The following SGCD variants were observed in gnomAD, a reference collection of about 807,000 sequenced individuals.
The protein encoded by SGCD is sarcoglycan delta, also known as delta-sarcoglycan.
Under a neutral mutation model 36.6 loss-of-function variants are expected in SGCD, and 18 were observed. The observed-to-expected ratio is 0.49, with a 90% confidence interval of 0.34 to 0.73. The LOEUF (loss-of-function observed/expected upper bound fraction) is 0.73, where lower values mean the gene tolerates loss of function less well. SGCD is among the 30% of genes least tolerant of loss of function. The pLI is 0.01. For missense variants in SGCD, 387 were observed against 346.7 expected (o/e 1.12, Z -0.92); for synonymous variants, 133 against 130.6 (o/e 1.02, Z -0.12).
chr5:156,119,222 A>G (rs1215102360), intron 2 of SGCD, among the ~76,000 whole-genome samples: 1 of 152,130 alleles, frequency 6.6e-6, no homozygotes, highest in Admixed American at 6.6e-5. Flanking sequence ...TTGGATTTTA[A>G]GTTGTGTCAT....
chr5:156,004,968 G>A (rs1392956057), intron 1 of SGCD, among the ~76,000 whole-genome samples: 4 of 152,120 alleles, frequency 2.6e-5, no homozygotes, highest in East Asian at 1.9e-4. Context: ...AAGTGAGTTC[G>A]GGGCACCACA....
chr5:156,560,369 T>C (rs1431787881), intron 4 of SGCD, among the ~76,000 whole-genome samples: 2 of 152,148 alleles, frequency 1.3e-5, no homozygotes, highest in Admixed American at 6.6e-5. Context: ...ATTTAAGTAA[T>C]GTTACATCAG....
At chr5:156,104,125 C>T (rs923740334) in intron 1 of SGCD, among the ~76,000 whole-genome samples, 1 of 152,000 alleles carries the variant, frequency 6.6e-6, no homozygotes, top group Non-Finnish European at 1.5e-5. Context: ...AAGTCACATA[C>T]TAATTAAATT....
intron 4 of SGCD, among the ~76,000 whole-genome samples, chr5:156,552,967 C>T (rs372015151): frequency 1.9e-4 from 29 of 152,118 alleles, no homozygotes; most frequent in African/African-American, 6.8e-4. Flanking sequence ...GAAAAAAAGG[C>T]TTCCTTGGCT....
chr5:155,996,439 A>C (rs1758546037), intron 1 of SGCD, among the ~76,000 whole-genome samples: 1 of 152,116 alleles, frequency 6.6e-6, no homozygotes, highest in Non-Finnish European at 1.5e-5. Context: ...TTTGCTTCTT[A>C]ATACTTAATA....
At chr5:156,402,860 T>C (rs1462525454) in intron 3 of SGCD, among the ~76,000 whole-genome samples, 2 of 152,166 alleles carry the variant, frequency 1.3e-5, no homozygotes, top group Non-Finnish European at 2.9e-5. Flanking sequence ...GTTACCGCGT[T>C]CCCCAAAGAC....
intron 3 of SGCD, among the ~76,000 whole-genome samples, chr5:156,290,280 G>C (rs1317745555): frequency 2.6e-5 from 4 of 152,102 alleles, no homozygotes; most frequent in African/African-American, 7.2e-5. Flanking sequence ...ACTTGGGAAG[G>C]CTAACCCCAA....
intron 4 of SGCD, among the ~76,000 whole-genome samples, chr5:156,565,884 T>C (rs1759460028): frequency 6.6e-6 from 1 of 152,226 alleles, no homozygotes; most frequent in Non-Finnish European, 1.5e-5. Context: ...CCTCATCCTT[T>C]TTTATGGCTG....
intron 4 of SGCD, among the ~76,000 whole-genome samples, chr5:156,541,988 T>C (rs4337839): frequency 0.34 from 52,221 of 152,040 alleles, 9,405 homozygotes; most frequent in African/African-American, 0.43. Context: ...GCTAGGCATC[T>C]GTTGAATGTT....
chr5:156,591,418 G>A (rs1760718361), intron 5 of SGCD, among the ~76,000 whole-genome samples: 1 of 152,196 alleles, frequency 6.6e-6, no homozygotes, highest in Non-Finnish European at 1.5e-5. Context: ...AAGGCAGGCT[G>A]CTGATTTAGT....
At chr5:156,451,385 T>G (rs1754005895) in intron 3 of SGCD, among the ~76,000 whole-genome samples, 1 of 152,162 alleles carries the variant, frequency 6.6e-6, no homozygotes, top group Non-Finnish European at 1.5e-5. Context: ...AGAGTATGTT[T>G]AATAGATATT....
intron 6 of SGCD, among the ~76,000 whole-genome samples, chr5:156,611,903 AT>A (rs1388778624): frequency 5.9e-5 from 9 of 152,020 alleles, no homozygotes; most frequent in Admixed American, 5.9e-4. Context: ...CATTTATTGA[AT>A]TTTTCAACTC....
At chr5:155,866,536 T>C (rs1346601506), upstream of SGCD, among the ~76,000 whole-genome samples, 1 of 152,212 alleles carries the variant, frequency 6.6e-6, no homozygotes, top group Non-Finnish European at 1.5e-5. Flanking sequence ...GTAATATGTG[T>C]TTTACAAATG....
chr5:156,381,879 A>G (rs1770999589), intron 3 of SGCD, among the ~76,000 whole-genome samples: 1 of 152,176 alleles, frequency 6.6e-6, no homozygotes, highest in African/African-American at 2.4e-5. Context: ...TTTCTCATCC[A>G]TAAAAATGGG....
In SGCD at chr5:156,763,260, T is replaced by C. The variant is rs1457001809; in HGVS notation, c.*3870T>C. The C allele has an allele frequency of 6.6e-6, 1 of 152,624 alleles. No individual in the cohort carries two copies. Among genetic ancestry groups the C allele is most frequent in the African/African-American group, 2.4e-5 (1 of 41,436 alleles). The allele number at this position is 152,624 out of a possible 1,614,324, so 9.5% of individuals were successfully genotyped here. A position where few individuals can be genotyped will look rare whatever the true frequency, so the allele number is the denominator to read the frequency against. On this transcript the variant is annotated 3_prime_UTR_variant, in exon 9 of 9. Coordinates refer to ENST00000337851, the MANE Select transcript of SGCD (RefSeq NM_000337.6). ...TAAAGTTTTCCACTTCACCCTCCCATAGTCTAGAGGGATGCCCATTCCATG... is the reference window on the plus strand; with the variant it reads ...TAAAGTTTTCCACTTCACCCTCCCACAGTCTAGAGGGATGCCCATTCCATG...
intron 4 of SGCD, among the ~76,000 whole-genome samples, chr5:156,509,348 C>A (rs1057031202): frequency 1.3e-5 from 2 of 152,066 alleles, no homozygotes; most frequent in Non-Finnish European, 2.9e-5. Flanking sequence ...TTGCTTGAAC[C>A]CAGGAGGTGG....
intron 1 of SGCD, among the ~76,000 whole-genome samples, chr5:156,074,215 C>A (rs543933923): frequency 2.0e-5 from 3 of 152,064 alleles, no homozygotes; most frequent in Non-Finnish European, 2.9e-5. Context: ...AGCTCAAGTA[C>A]CCAGTGCAGT....
chr5:156,164,491 C>T (rs1581140292), intron 3 of SGCD, among the ~76,000 whole-genome samples: 1 of 152,168 alleles, frequency 6.6e-6, no homozygotes. Flanking sequence ...AGCATCATTG[C>T]TTTCCAATGA....
chr5:156,556,968 C>T (rs1290800949), intron 4 of SGCD, among the ~76,000 whole-genome samples: 1 of 152,154 alleles, frequency 6.6e-6, no homozygotes, highest in Non-Finnish European at 1.5e-5. Flanking sequence ...GTTAAAAGGT[C>T]AGTGTGAGCT....
Sources: allele counts gnomAD v4.1 joint callset (sites outside exome capture counted in the v4.1 genomes callset), GRCh38; gene constraint gnomAD v4.1.1; transcripts MANE v1.5; gene names NCBI Gene and HGNC (gene_info 2026-07-23, HGNC 2026-07-21).